DZANK1: variants seen among roughly 807,000 people sequenced by gnomAD.
The protein encoded by DZANK1 is double zinc ribbon and ankyrin repeat domains 1.
Under a neutral mutation model 94.5 loss-of-function variants are expected in DZANK1, and 91 were observed. The observed-to-expected ratio is 0.96, with a 90% confidence interval of 0.81 to 1.15. The LOEUF (loss-of-function observed/expected upper bound fraction) is 1.15, where lower values mean the gene tolerates loss of function less well. Among genes scored for constraint, DZANK1 ranks in the 50% most tolerant of loss-of-function variants. The pLI is 0.00. For synonymous variants in DZANK1, 312 were observed against 325.3 expected, an observed-to-expected ratio of 0.96 and a Z score of 0.44; for missense variants, 903 against 916.4, an observed-to-expected ratio of 0.99 and a Z score of 0.19.
At chr20:18,393,269 T>C (rs2056121251) in intron 17 of DZANK1, among the ~76,000 whole-genome samples, 1 of 152,120 alleles carries the variant, frequency 6.6e-6, no homozygotes, top group African/African-American at 2.4e-5. Flanking sequence ...ATCTGAAGGC[T>C]TTCTCCTGCT....
exon 21 of DZANK1, chr20:18,384,384 G>C: frequency 6.2e-7 from 1 of 1,603,296 alleles, no homozygotes; most frequent in South Asian, 1.1e-5. Context: ...ATGAAGTCCC[G>C]TGGAGGCCTC....
chr20:18,408,343 C>A (rs892772226), intron 13 of DZANK1, among the ~76,000 whole-genome samples: 38 of 151,940 alleles, frequency 2.5e-4, no homozygotes, highest in African/African-American at 9.2e-4. Context: ...AACAAAAAAA[C>A]CAAATGGATA....
In DZANK1 at chr20:18,424,986, CA is replaced by C. The variant is rs1162224964; in HGVS notation, c.954+2080del. On this transcript the variant is annotated intron_variant, in intron 10 of 20. Coordinates refer to ENST00000262547, the Ensembl canonical transcript of DZANK1. Reference sequence around the variant, plus strand: ...TCCATAAAAGACAAAATCATAGTGTCAAAACAGATCTGTATTTTTTGGGTCT... The same window carrying C: ...TCCATAAAAGACAAAATCATAGTGTCAAACAGATCTGTATTTTTTGGGTCT... Among the ~76,000 whole-genome samples, 8 of 152,246 alleles carry C rather than the reference CA, an allele frequency of 5.3e-5. No homozygotes were observed. The East Asian group carries it at 1.5e-3, about 29-fold the overall frequency.
intron 18 of DZANK1, 74 bp from the exon 19 acceptor site, chr20:18,389,902 G>T: frequency 6.3e-7 from 1 of 1,587,268 alleles, no homozygotes; most frequent in African/African-American, 1.3e-5. Flanking sequence ...ATCCTATGAA[G>T]TATAACAGAT....
At chr20:18,442,231 A>G (rs1409023077) in intron 8 of DZANK1, among the ~76,000 whole-genome samples, 1 of 152,238 alleles carries the variant, frequency 6.6e-6, no homozygotes, top group Non-Finnish European at 1.5e-5. Context: ...CCCTGTAAAA[A>G]TGAAGTTAGT....
chr20:18,435,990 G>A (rs1177143886), intron 8 of DZANK1, among the ~76,000 whole-genome samples: 1 of 152,060 alleles, frequency 6.6e-6, no homozygotes, highest in Admixed American at 6.5e-5. Context: ...ACTACCTGAC[G>A]CAGTCAAGAA....
At chr20:18,446,064 CAA>C (rs144762783) in intron 7 of DZANK1, among the ~76,000 whole-genome samples, 22 of 124,608 alleles carry the variant, frequency 1.8e-4, no homozygotes, top group African/African-American at 1.2e-4. Context: ...CACGCCCAGC[CAA>C]AAAAAAAAAA....
rs770365888 is a variant in DZANK1, at chr20:18,448,946, T to C, written c.629+38A>G. The C allele has an allele frequency of 5.9e-5, 89 of 1,518,178 alleles. No individual in the cohort carries two copies. In the East Asian group the frequency reaches 7.0e-4, roughly 12 times the overall value. The allele number at this position is 1,518,178 out of a possible 1,614,324, so 94.0% of individuals were successfully genotyped here. A position where few individuals can be genotyped will look rare whatever the true frequency, so the allele number is the denominator to read the frequency against. On this transcript the variant is annotated intron_variant, in intron 7 of 20. Coordinates refer to ENST00000262547, the Ensembl canonical transcript of DZANK1. ...TCTCTTTGACCATGATGTATCTTTG[T>C]AGGATTTAAGGCAGAGTAAAGAGAA...
exon 17 of DZANK1, chr20:18,393,717 C>G: frequency 1.2e-6 from 2 of 1,602,290 alleles, no homozygotes; most frequent in Middle Eastern, 1.7e-4. Flanking sequence ...TTACTATAAG[C>G]TGCTCCTTCT....
chr20:18,451,955 T>C (rs751887135), intron 6 of DZANK1: 2 of 518,336 alleles, frequency 3.9e-6, no homozygotes, highest in Non-Finnish European at 3.9e-6. Context: ...AATGGGACTG[T>C]GTCTTGCCTG....
intron 15 of DZANK1, among the ~76,000 whole-genome samples, chr20:18,395,049 G>T (rs1188792091): frequency 6.6e-6 from 1 of 152,194 alleles, no homozygotes; most frequent in Non-Finnish European, 1.5e-5. Flanking sequence ...ACTAGAACAT[G>T]CAGGCTAACA....
chr20:18,415,554 AAT>A, intron 10 of DZANK1, 105 bp from the exon 11 acceptor site: 2 of 1,237,092 alleles, frequency 1.6e-6, no homozygotes, highest in Non-Finnish European at 2.1e-6. Flanking sequence ...GAGCCCCGGA[AAT>A]AGTGTTTTTT....
At chr20:18,390,504 T>C in intron 17 of DZANK1, 45 bp from the exon 18 acceptor site, 1 of 1,562,742 alleles carries the variant, frequency 6.4e-7, no homozygotes, top group East Asian at 2.2e-5. Context: ...TTCAAAATAT[T>C]CACTCAAGGC....
At chr20:18,463,641 T>C (rs570826332) in intron 2 of DZANK1, among the ~76,000 whole-genome samples, 2 of 152,358 alleles carry the variant, frequency 1.3e-5, no homozygotes, top group South Asian at 4.1e-4. Context: ...CTACCATTCA[T>C]ATCATCTTTT....
chr20:18,454,249 G>A (rs2059206351), intron 4 of DZANK1: 2 of 351,698 alleles, frequency 5.7e-6, no homozygotes, highest in East Asian at 1.5e-4. Flanking sequence ...CATGGACTTG[G>A]TCCCTCACAC....
At chr20:18,385,025 G>C (rs1168016928) in exon 20 of DZANK1, 8 of 1,552,558 alleles carry the variant, frequency 5.2e-6, no homozygotes, top group Non-Finnish European at 7.0e-6. Flanking sequence ...CCCCAGTAAA[G>C]TGGCGGTGCT....
rs73902462 is a variant in DZANK1, at chr20:18,417,078, T to C, written c.955-1629A>G. On this transcript the variant is annotated intron_variant, in intron 10 of 20. Coordinates refer to ENST00000262547, the Ensembl canonical transcript of DZANK1. ...AAAGAAAAGTTATCTTACCCCATCA[T>C]ATTAATGCTGCTAAACAAAGAAAAG... Among the ~76,000 whole-genome samples the C allele has an allele frequency of 7.4e-3, 1,091 of 148,408 alleles. 15 individuals are homozygous for C. The highest frequency in any genetic ancestry group is 0.026 in the African/African-American group (1,056 of 40,668).
At chr20:18,410,235 A>G (rs1303739278) in intron 13 of DZANK1, among the ~76,000 whole-genome samples, 1 of 152,214 alleles carries the variant, frequency 6.6e-6, no homozygotes, top group Non-Finnish European at 1.5e-5. Context: ...AGTTTATAAC[A>G]TATATGTAAA....
chr20:18,387,048 C>T (rs892210091), intron 19 of DZANK1, among the ~76,000 whole-genome samples: 1 of 152,168 alleles, frequency 6.6e-6, no homozygotes, highest in African/African-American at 2.4e-5. Flanking sequence ...TGATTTCCTC[C>T]TTATCTTTCA....
Sources: gnomAD v4.1 joint callset for allele counts (sites outside exome capture counted in the v4.1 genomes callset) on GRCh38, gnomAD v4.1.1 for gene constraint, MANE v1.5 for transcripts, NCBI Gene and HGNC (gene_info 2026-07-23, HGNC 2026-07-21) for gene names.